Variants in DUSP16 observed in about 807,000 individuals in gnomAD.
DUSP16 encodes dual specificity phosphatase 16, also known as dual specificity protein phosphatase 16.
DUSP16 carries 21 observed loss-of-function variants against 58.3 expected under a neutral mutation model. The observed-to-expected ratio is 0.36, with a 90% confidence interval of 0.26 to 0.52. The LOEUF (loss-of-function observed/expected upper bound fraction) is 0.52, where lower values mean the gene tolerates loss of function less well. DUSP16 is among the 20% of genes least tolerant of loss of function. The pLI is 0.94. For missense variants in DUSP16, 726 were observed against 819.0 expected, an observed-to-expected ratio of 0.89 and a Z score of 1.39; for synonymous variants, 320 against 323.8, an observed-to-expected ratio of 0.99 and a Z score of 0.12.
intron 1 of DUSP16, among the ~76,000 whole-genome samples, chr12:12,529,451 T>C (rs1345111207): frequency 6.6e-6 from 1 of 152,224 alleles, no homozygotes; most frequent in Non-Finnish European, 1.5e-5. Context: ...GTATTTATCA[T>C]GTACAACACG....
At chr12:12,495,985 C>T (rs532703286) in intron 4 of DUSP16, among the ~76,000 whole-genome samples, 39 of 152,268 alleles carry the variant, frequency 2.6e-4, no homozygotes, top group South Asian at 1.9e-3. Flanking sequence ...ACCAGGAGGC[C>T]GGAGTTATTG....
In DUSP16 at chr12:12,551,297, T is replaced by C. The variant is rs148845607; in HGVS notation, c.-366+10820A>G. Among the ~76,000 whole-genome samples the C allele has an allele frequency of 7.4e-3, 1,107 of 150,320 alleles. 9 individuals are homozygous for C. Among genetic ancestry groups the C allele is most frequent in the Middle Eastern group, 0.014 (4 of 292 alleles). On this transcript the variant is annotated intron_variant, in intron 1 of 6. Coordinates refer to ENST00000298573, the MANE Select transcript of DUSP16 (RefSeq NM_030640.3). ...CAGGCAGATCACTTGAGGCCAGGAG[T>C]TCAAGACCAGCCTAACCAACATGGC...
In DUSP16 at chr12:12,476,909, CTGT is replaced by C; in HGVS notation, c.1919_1921del (p.Asn640del). 1 of 1,613,972 alleles carries C rather than the reference CTGT, an allele frequency of 6.2e-7. No individual in the cohort carries two copies. The highest frequency in any genetic ancestry group is 1.1e-5 in the South Asian group (1 of 91,086). On this transcript the variant is annotated inframe_deletion, in exon 7 of 7. Coordinates refer to ENST00000298573, the MANE Select transcript of DUSP16 (RefSeq NM_030640.3). The stretch of plus-strand genomic sequence containing the variant: ...CACTTTCCCCAGCTCTTCCCGTGAC[CTGT>C]TCTCTGACATGATGCTCTCTCCAAA...
intron 1 of DUSP16, among the ~76,000 whole-genome samples, chr12:12,527,192 C>T (rs566378423): frequency 4.6e-5 from 7 of 152,128 alleles, no homozygotes; most frequent in African/African-American, 1.4e-4. Context: ...TAAATTTTTT[C>T]CCTCCAACAA....
intron 1 of DUSP16, among the ~76,000 whole-genome samples, chr12:12,559,463 C>T (rs768879956): frequency 2.0e-5 from 3 of 152,138 alleles, no homozygotes; most frequent in Non-Finnish European, 2.9e-5. Flanking sequence ...TATTAATTTA[C>T]TTCTTCAAAT....
chr12:12,481,572 AGTTTCTAGT>A (rs1262651844), intron 5 of DUSP16, among the ~76,000 whole-genome samples: 1 of 152,216 alleles, frequency 6.6e-6, no homozygotes, highest in East Asian at 1.9e-4. Flanking sequence ...TATAAATATA[AGTTTCTAGT>A]GTAATGATTA....
At chr12:12,489,875 TGATTAA>T (rs1375659229) in intron 4 of DUSP16, among the ~76,000 whole-genome samples, 21 of 152,388 alleles carry the variant, frequency 1.4e-4, no homozygotes, top group Middle Eastern at 3.4e-3. Context: ...CACACGGTAC[TGATTAA>T]GAAAATCATA....
At chr12:12,491,215 A>T (rs986599416) in intron 4 of DUSP16, 1 of 148,850 alleles carries the variant, frequency 6.7e-6, no homozygotes, top group African/African-American at 2.5e-5. Flanking sequence ...GGGGATCTTA[A>T]TTTTTGTTGG....
At chr12:12,481,933 G>T (rs976964533) in intron 5 of DUSP16, among the ~76,000 whole-genome samples, 1 of 152,124 alleles carries the variant, frequency 6.6e-6, no homozygotes, top group Non-Finnish European at 1.5e-5. Flanking sequence ...ATAAGAAGTA[G>T]CAATTCAGAC....
At chr12:12,518,827 A>C (rs1944189842) in intron 3 of DUSP16, among the ~76,000 whole-genome samples, 1 of 152,244 alleles carries the variant, frequency 6.6e-6, no homozygotes, top group Admixed American at 6.5e-5. Flanking sequence ...TGAAAGGTGT[A>C]CAGATAGACA....
chr12:12,547,022 C>A (rs1046455968), intron 1 of DUSP16, among the ~76,000 whole-genome samples: 20 of 152,160 alleles, frequency 1.3e-4, no homozygotes, highest in Non-Finnish European at 2.4e-4. Context: ...CCATGGACAA[C>A]AAATAAATCA....
chr12:12,534,696 C>T (rs1421402434), intron 1 of DUSP16, among the ~76,000 whole-genome samples: 3 of 152,114 alleles, frequency 2.0e-5, no homozygotes, highest in African/African-American at 7.2e-5. Flanking sequence ...CTGCCAAGTC[C>T]CTTGATGTAC....
chr12:12,524,720 G>A (rs1295580159), intron 1 of DUSP16, among the ~76,000 whole-genome samples: 2 of 152,092 alleles, frequency 1.3e-5, no homozygotes, highest in Non-Finnish European at 2.9e-5. Flanking sequence ...GAGCAGACCA[G>A]CTTTGCTATT....
At chr12:12,507,974 C>T (rs997852231) in intron 3 of DUSP16, among the ~76,000 whole-genome samples, 56 of 152,200 alleles carry the variant, frequency 3.7e-4, no homozygotes, top group African/African-American at 1.3e-3. Context: ...CTTTTTGTAA[C>T]ATAAACACAA....
At chr12:12,518,240 T>C (rs751917677) in intron 3 of DUSP16, among the ~76,000 whole-genome samples, 7 of 152,028 alleles carry the variant, frequency 4.6e-5, no homozygotes, top group Non-Finnish European at 1.0e-4. Flanking sequence ...TCTGGCTGGG[T>C]GTGGTGGCTC....
chr12:12,492,212 TTC>T (rs1943770443), intron 4 of DUSP16, among the ~76,000 whole-genome samples: 1 of 152,218 alleles, frequency 6.6e-6, no homozygotes, highest in Non-Finnish European at 1.5e-5. Flanking sequence ...CATTCACTTT[TTC>T]TCTTTCCCAT....
chr12:12,547,742 C>A (rs1279186627), intron 1 of DUSP16, among the ~76,000 whole-genome samples: 1 of 152,076 alleles, frequency 6.6e-6, no homozygotes, highest in Non-Finnish European at 1.5e-5. Flanking sequence ...AAAGATCCAA[C>A]AAAGCTTTGG....
chr12:12,478,937 C>A lies in DUSP16; in HGVS notation c.816-922G>T, dbSNP rs146731244. Among the ~76,000 whole-genome samples, 354 of 152,302 alleles carry A rather than the reference C, an allele frequency of 2.3e-3. 1 individual carries two copies. Among genetic ancestry groups the A allele is most frequent in the Non-Finnish European group, 3.3e-3 (225 of 68,032 alleles). ...CTTATGCACTGAATCATCATTTCATCCTCAGAACTACCCTTTATCAGGTGG... is the reference window on the plus strand; with the variant it reads ...CTTATGCACTGAATCATCATTTCATACTCAGAACTACCCTTTATCAGGTGG... On this transcript the variant is annotated intron_variant, in intron 6 of 6. Coordinates refer to ENST00000298573, the MANE Select transcript of DUSP16 (RefSeq NM_030640.3).
chr12:12,529,360 T>C (rs760766934), intron 1 of DUSP16, among the ~76,000 whole-genome samples: 24 of 152,236 alleles, frequency 1.6e-4, no homozygotes, highest in Non-Finnish European at 7.3e-5. Context: ...TTCTCATACA[T>C]TGGCCTCCAA....
Sources: allele counts gnomAD v4.1 joint callset (sites outside exome capture counted in the v4.1 genomes callset), GRCh38; gene constraint gnomAD v4.1.1; transcripts MANE v1.5; gene names NCBI Gene and HGNC (gene_info 2026-07-23, HGNC 2026-07-21).